Variants in ZDHHC14 observed in about 807,000 individuals in gnomAD.
ZDHHC14 encodes the protein palmitoyltransferase ZDHHC14.
A neutral mutation model predicts 47.7 loss-of-function variants in ZDHHC14; 16 were observed. That is an observed-to-expected ratio of 0.34 (90% CI 0.23 to 0.51). The LOEUF (loss-of-function observed/expected upper bound fraction) is 0.51, where lower values mean the gene tolerates loss of function less well. Ranked by LOEUF, ZDHHC14 falls within the 20% of genes least tolerant of loss-of-function variation. The probability of loss-of-function intolerance (pLI) is 0.97; values close to 1 mark genes in which losing one functional copy is unlikely to be tolerated. For synonymous variants in ZDHHC14, 293 were observed against 278.9 expected (o/e 1.05, Z -0.50); for missense variants, 515 against 662.5 (o/e 0.78, Z 2.44).
intron 1 of ZDHHC14, among the ~76,000 whole-genome samples, chr6:157,499,077 A>C (rs1780134809): frequency 6.6e-6 from 1 of 152,148 alleles, no homozygotes; most frequent in Admixed American, 6.5e-5. Flanking sequence ...AAATGCTGAT[A>C]ACCTGCCCAG....
chr6:157,496,469 T>C (rs1307527908), intron 1 of ZDHHC14, among the ~76,000 whole-genome samples: 3 of 152,164 alleles, frequency 2.0e-5, no homozygotes, highest in African/African-American at 4.8e-5. Context: ...ATTTGGGACA[T>C]TGGTTCTTTA....
chr6:157,386,714 C>G (rs1777318470), intron 1 of ZDHHC14, among the ~76,000 whole-genome samples: 1 of 152,178 alleles, frequency 6.6e-6, no homozygotes. Context: ...ATCCAGACAG[C>G]TCACCCTCTT....
intron 1 of ZDHHC14, among the ~76,000 whole-genome samples, chr6:157,484,732 A>G (rs1311914827): frequency 6.6e-6 from 1 of 151,942 alleles, no homozygotes; most frequent in Non-Finnish European, 1.5e-5. Flanking sequence ...AGTTTTTCTT[A>G]AAAAAATAAA....
rs914559371 is a variant in ZDHHC14, at chr6:157,644,944, A to G, written c.753-793A>G. 2.0e-5 allele frequency among the ~76,000 whole-genome samples: 3 copies of G among 152,176 alleles called. No homozygotes were observed. The East Asian group carries it at 5.8e-4, about 29-fold the overall frequency. On this transcript the variant is annotated intron_variant, in intron 5 of 8. Coordinates refer to ENST00000359775, the MANE Select transcript of ZDHHC14 (RefSeq NM_024630.3). ...TGATGGATCTGATCTGCTGAAGAGC[A>G]CCAAGCTTTTTCCCTTTGTGTTGGA...
intron 6 of ZDHHC14, 92 bp downstream of exon 6, chr6:157,645,931 C>A: frequency 9.1e-7 from 1 of 1,100,042 alleles, no homozygotes; most frequent in South Asian, 1.4e-5. Flanking sequence ...CCAGCTTTTC[C>A]CATACATCCC....
rs1369011080 is a variant in ZDHHC14 at position 157,653,498 on chromosome 6, C to T, written c.966-27C>T. ...TCTCTGGCTTTTTATTCACTCTCTT[C>T]CTGCTGTGTTTTCTTTTCTCTCGCA... On this transcript the variant is annotated intron_variant, in intron 7 of 8. Coordinates refer to ENST00000359775, the MANE Select transcript of ZDHHC14 (RefSeq NM_024630.3). 7 of 1,611,326 alleles carry T rather than the reference C, an allele frequency of 4.3e-6. No individual in the cohort carries two copies. The South Asian group carries it at 6.6e-5, about 15-fold the overall frequency.
intron 1 of ZDHHC14, among the ~76,000 whole-genome samples, chr6:157,384,614 CCA>C (rs1777276650): frequency 6.6e-6 from 1 of 152,152 alleles, no homozygotes; most frequent in East Asian, 1.9e-4. Flanking sequence ...AACAAGAGGC[CCA>C]TCCTAGTATG....
chr6:157,504,614 T>C (rs1371958013), intron 1 of ZDHHC14, among the ~76,000 whole-genome samples: 1 of 150,218 alleles, frequency 6.7e-6, no homozygotes, highest in Non-Finnish European at 1.5e-5. Context: ...TTTCACCACG[T>C]TGGCCAAGCT....
rs1184409463 is a variant in ZDHHC14 at position 157,402,665 on chromosome 6, G to A, written c.245+20399G>A. 2.0e-5 allele frequency among the ~76,000 whole-genome samples: 3 copies of A among 152,256 alleles called. No individual in the cohort carries two copies. In the East Asian group the frequency reaches 5.8e-4, roughly 29 times the overall value. On this transcript the variant is annotated intron_variant, in intron 1 of 8. Coordinates refer to ENST00000359775, the MANE Select transcript of ZDHHC14 (RefSeq NM_024630.3). ...TAATTCCTTTTTTGAGAAAAGTGAT[G>A]GGCAGGCCACTACTTCAGCCCTCAT...
chr6:157,471,085 C>G (rs1281717842), intron 1 of ZDHHC14, among the ~76,000 whole-genome samples: 1 of 152,194 alleles, frequency 6.6e-6, no homozygotes. Context: ...TCATTCCTGG[C>G]ATTTTCAGGT....
At chr6:157,592,156 G>C (rs1184473268) in intron 2 of ZDHHC14, among the ~76,000 whole-genome samples, 1 of 151,898 alleles carries the variant, frequency 6.6e-6, no homozygotes, top group Non-Finnish European at 1.5e-5. Context: ...AATAAATCTG[G>C]AACAGGGTTC....
chr6:157,439,489 T>A (rs1778519629), intron 1 of ZDHHC14, among the ~76,000 whole-genome samples: 1 of 152,124 alleles, frequency 6.6e-6, no homozygotes, highest in Admixed American at 6.6e-5. Context: ...GAATGACCAT[T>A]ATTAAAAAGT....
rs755524719 is a variant in ZDHHC14, at chr6:157,653,615, A to G, written c.1056A>G (p.Ser352=). The G allele has an allele frequency of 1.2e-6, 2 of 1,613,520 alleles. No homozygotes were observed. Among genetic ancestry groups the G allele is most frequent in the South Asian group, 1.1e-5 (1 of 91,070 alleles). ...NGITMYGATQ[S]QSDMCDQDQC... ...TCACCATGTACGGGGCCACGCAGTC[A>G]CAGAGTGACATGGTAGGAGTGGGGG... is the stretch of plus-strand genomic sequence containing the variant. Residue 352 remains serine (S), a synonymous_variant, in exon 8 of 9, where the codon TCA becomes TCG. Coordinates refer to ENST00000359775, the MANE Select transcript of ZDHHC14 (RefSeq NM_024630.3).
intron 1 of ZDHHC14, among the ~76,000 whole-genome samples, chr6:157,536,323 TGTAG>T (rs1306330483): frequency 6.6e-6 from 1 of 152,220 alleles, no homozygotes; most frequent in Non-Finnish European, 1.5e-5. Flanking sequence ...AAATATCAAA[TGTAG>T]GCCATTTGCT....
chr6:157,419,013 C>G (rs932888457), intron 1 of ZDHHC14, among the ~76,000 whole-genome samples: 2 of 152,178 alleles, frequency 1.3e-5, no homozygotes, highest in Non-Finnish European at 2.9e-5. Flanking sequence ...CCTTGTGATA[C>G]AATTCAAATG....
intron 1 of ZDHHC14, among the ~76,000 whole-genome samples, chr6:157,469,681 G>C (rs1215315215): frequency 6.6e-6 from 1 of 152,206 alleles, no homozygotes. Context: ...CAGAGGGAGA[G>C]AGTCCTGGAG....
intron 1 of ZDHHC14, among the ~76,000 whole-genome samples, chr6:157,392,389 A>G (rs1777434315): frequency 6.6e-6 from 1 of 151,868 alleles, no homozygotes; most frequent in Non-Finnish European, 1.5e-5. Flanking sequence ...ATCCTTTGTA[A>G]TACTTTGTGC....
chr6:157,650,621 C>T (rs1777786164), intron 7 of ZDHHC14, among the ~76,000 whole-genome samples: 2 of 151,332 alleles, frequency 1.3e-5, no homozygotes, highest in African/African-American at 2.4e-5. Flanking sequence ...CCCCTGCAAG[C>T]CCCTTAATTT....
rs1778968288 is a variant in ZDHHC14, at chr6:157,676,168, G to A, written c.*3046G>A. 6.6e-6 allele frequency: 1 copy of A among 152,262 alleles called. No individual in the cohort carries two copies. The highest frequency in any genetic ancestry group is 2.4e-5 in the African/African-American group (1 of 41,444). The allele number at this position is 152,262 out of a possible 1,614,324, so 9.4% of individuals were successfully genotyped here. On this transcript the variant is annotated 3_prime_UTR_variant, in exon 9 of 9. Transcript: ENST00000359775. ...CATCCGGGAGGGCCCCAGGAAGCAG[G>A]GGGATGCTGCAGGAAGGTGGCAGAC...
Sources: gnomAD v4.1 joint callset for allele counts (sites outside exome capture counted in the v4.1 genomes callset) on GRCh38, gnomAD v4.1.1 for gene constraint, MANE v1.5 for transcripts, NCBI Gene and HGNC (gene_info 2026-07-23, HGNC 2026-07-21) for gene names.